ELOC: variants seen among roughly 807,000 people sequenced by gnomAD.
ELOC encodes the protein elongin-C.
For synonymous variants in ELOC, 40 were observed against 51.3 expected (o/e 0.78, Z 0.94); for missense variants, 38 against 139.0 (o/e 0.27, Z 3.65).
At chr8:73,964,613 A>G (rs1814843120) in intron 1 of ELOC, 1 of 152,190 alleles carries the variant, frequency 6.6e-6, no homozygotes, top group Non-Finnish European at 1.5e-5. Flanking sequence ...AGCCTGGGCC[A>G]CACAGCAAGA....
intron 3 of ELOC, 54 bp from the exon 4 acceptor site, chr8:73,946,874 CA>C (rs1269867099): frequency 6.7e-7 from 1 of 1,498,426 alleles, no homozygotes. Flanking sequence ...CCTCCAAATT[CA>C]TATGTTGAAG....
chr8:73,967,988 T>C (rs542707392), intron 1 of ELOC, among the ~76,000 whole-genome samples: 9 of 152,224 alleles, frequency 5.9e-5, no homozygotes, highest in African/African-American at 1.9e-4. Flanking sequence ...AACCCTTCAA[T>C]CTGTAAGCAC....
intron 1 of ELOC, among the ~76,000 whole-genome samples, chr8:73,971,237 C>T (rs1815378258): frequency 6.6e-6 from 1 of 151,822 alleles, no homozygotes; most frequent in Admixed American, 6.6e-5. Context: ...GAAACCCCGT[C>T]TCTACTAATA....
chr8:73,954,678 T>G (rs1814029921), intron 3 of ELOC, among the ~76,000 whole-genome samples: 1 of 148,400 alleles, frequency 6.7e-6, no homozygotes, highest in African/African-American at 2.5e-5. Flanking sequence ...GAATAGAGAT[T>G]TGGAAGGTAG....
rs958473576 is a variant in ELOC at position 73,951,036 on chromosome 8, C to T, written c.149-4216G>A. The stretch of plus-strand genomic sequence containing the variant: ...CTGTAATCCCAACACTTTGGGAGGC[C>T]GAGGCAGGTGGATTGCTTGAGGTCA... On this transcript the variant is annotated intron_variant, in intron 3 of 3. Transcript: ENST00000520242. Among the ~76,000 whole-genome samples the T allele has an allele frequency of 5.3e-5, 8 of 152,220 alleles. 1 individual carries two copies. In the South Asian group the frequency reaches 6.2e-4, roughly 12 times the overall value.
chr8:73,970,942 G>A (rs1238591749), intron 1 of ELOC, among the ~76,000 whole-genome samples: 1 of 146,668 alleles, frequency 6.8e-6, no homozygotes, highest in Non-Finnish European at 1.5e-5. Flanking sequence ...GCTGAGGCAG[G>A]AGAATGGCTT....
In ELOC at chr8:73,946,581, AG is replaced by A; in HGVS notation, c.*48del. The A allele has an allele frequency of 1.4e-6, 2 of 1,404,386 alleles. No homozygotes were observed. Among genetic ancestry groups the A allele is most frequent in the South Asian group, 1.4e-5 (1 of 70,392 alleles). 87.0% of individuals were successfully genotyped at this position (1,404,386 alleles called of 1,614,324 possible). A position where few individuals can be genotyped will look rare whatever the true frequency, so the allele number is the denominator to read the frequency against. ...ATGAAAAAGTTACTAACTGAACTAC[AG>A]GTATTAAATACTGAAAAGAGTTAAC... On this transcript the variant is annotated 3_prime_UTR_variant, in exon 4 of 4. Transcript: ENST00000520242.
At chr8:73,953,214 G>A (rs546884310) in intron 3 of ELOC, among the ~76,000 whole-genome samples, 1 of 152,306 alleles carries the variant, frequency 6.6e-6, no homozygotes, top group South Asian at 2.1e-4. Flanking sequence ...GCTGAGGCAT[G>A]AGAATCGTTT....
chr8:73,945,808 A>G lies in ELOC; in HGVS notation c.*822T>C, dbSNP rs1226462851. On this transcript the variant is annotated 3_prime_UTR_variant, in exon 4 of 4. Transcript: ENST00000520242. ...GGTGTAGCTTTTAAGATCTGAATAA[A>G]GTTAATAGTGAGTCTTTTAAAATAC... 6.6e-6 allele frequency: 1 copy of G among 152,228 alleles called. No individual in the cohort carries two copies. Among genetic ancestry groups the G allele is most frequent in the Non-Finnish European group, 1.5e-5 (1 of 68,036 alleles). The allele number at this position is 152,228 out of a possible 1,614,324, so 9.4% of individuals were successfully genotyped here. A position where few individuals can be genotyped will look rare whatever the true frequency, so the allele number is the denominator to read the frequency against.
intron 2 of ELOC, among the ~76,000 whole-genome samples, chr8:73,956,264 A>T (rs535890995): frequency 6.6e-6 from 1 of 152,232 alleles, no homozygotes; most frequent in South Asian, 2.1e-4. Context: ...GCACACATGT[A>T]ATCTCAGCTA....
intron 3 of ELOC, among the ~76,000 whole-genome samples, chr8:73,949,465 C>A (rs1813606822): frequency 6.6e-6 from 1 of 152,216 alleles, no homozygotes; most frequent in Non-Finnish European, 1.5e-5. Context: ...AGTATATTTA[C>A]AATGTTGTGC....
intron 3 of ELOC, among the ~76,000 whole-genome samples, chr8:73,951,461 T>C (rs375557296): frequency 6.6e-6 from 1 of 150,740 alleles, no homozygotes; most frequent in Non-Finnish European, 1.5e-5. Flanking sequence ...AGGCCAGGAG[T>C]TCAAGACCAA....
chr8:73,947,724 G>A (rs1206433710), intron 3 of ELOC, among the ~76,000 whole-genome samples: 2 of 151,698 alleles, frequency 1.3e-5, no homozygotes, highest in African/African-American at 4.8e-5. Context: ...ACAGGTGAGC[G>A]CCACCATGTC....
intron 2 of ELOC, among the ~76,000 whole-genome samples, chr8:73,956,983 A>G (rs987669358): frequency 2.6e-5 from 4 of 152,112 alleles, no homozygotes; most frequent in Non-Finnish European, 4.4e-5. Context: ...CATCCTGGCT[A>G]ACACGGTGAA....
chr8:73,956,157 T>C, intron 2 of ELOC, 103 bp from the exon 3 acceptor site: 3 of 1,090,538 alleles, frequency 2.8e-6, no homozygotes, highest in East Asian at 2.5e-5. Flanking sequence ...TCCCAGCACT[T>C]TGGCAGGCCA....
In ELOC at chr8:73,954,951, T is replaced by C. The variant is rs1401300676; in HGVS notation, c.148+960A>G. Among the ~76,000 whole-genome samples, 4 of 149,220 alleles carry C rather than the reference T, an allele frequency of 2.7e-5. No individual in the cohort carries two copies. In the East Asian group the frequency reaches 6.0e-4, roughly 23 times the overall value. Reference sequence around the variant, plus strand: ...CGGGAGGCTGAGGCAGAAGAATCTCTTGAACCTGGAAGGCGGAGGTTGCAG... The same window carrying C: ...CGGGAGGCTGAGGCAGAAGAATCTCCTGAACCTGGAAGGCGGAGGTTGCAG... On this transcript the variant is annotated intron_variant, in intron 3 of 3. Coordinates refer to ENST00000520242, the MANE Select transcript of ELOC (RefSeq NM_005648.4).
chr8:73,958,354 T>C (rs192250528), intron 2 of ELOC, among the ~76,000 whole-genome samples: 13 of 152,290 alleles, frequency 8.5e-5, no homozygotes, highest in African/African-American at 3.1e-4. Flanking sequence ...ATGTAATAAA[T>C]GTTCATCTAT....
At chr8:73,956,085 T>G (rs1814161166) in intron 2 of ELOC, 31 bp from the exon 3 acceptor site, 1 of 1,602,042 alleles carries the variant, frequency 6.2e-7, no homozygotes, top group Non-Finnish European at 8.5e-7. Context: ...AAACAATTTT[T>G]GAGTCACACA....
At chr8:73,963,164 G>GTA (rs778555509) in intron 1 of ELOC, among the ~76,000 whole-genome samples, 12 of 151,934 alleles carry the variant, frequency 7.9e-5, no homozygotes, top group African/African-American at 1.2e-4. Context: ...GTTTTTTTGT[G>GTA]TATGTTTGTG....
Sources: allele counts gnomAD v4.1 joint callset (sites outside exome capture counted in the v4.1 genomes callset), GRCh38; gene constraint gnomAD v4.1.1; transcripts MANE v1.5; gene names NCBI Gene and HGNC (gene_info 2026-07-23, HGNC 2026-07-21).